The following AJAP1 variants were observed in gnomAD, a reference collection of about 807,000 sequenced individuals.
The protein encoded by AJAP1 is adherens junction-associated protein 1.
In AJAP1, 5 loss-of-function variants were observed where a neutral mutation model predicts 35.0. That is an observed-to-expected ratio of 0.14 (90% CI 0.07 to 0.30). The LOEUF (loss-of-function observed/expected upper bound fraction) is 0.30, where lower values mean the gene tolerates loss of function less well. Ranked by LOEUF, AJAP1 falls within the 10% of genes least tolerant of loss-of-function variation. The pLI, the probability that AJAP1 is intolerant of heterozygous loss-of-function variation, is 1.00. For missense variants in AJAP1, 586 were observed against 571.0 expected (o/e 1.03, Z -0.27); for synonymous variants, 284 against 249.3 (o/e 1.14, Z -1.31).
At chr1:4,701,721 G>A (rs540055512) in intron 1 of AJAP1, among the ~76,000 whole-genome samples, 60 of 152,356 alleles carry the variant, frequency 3.9e-4, no homozygotes, top group African/African-American at 1.4e-3. Flanking sequence ...CCTTAGATGA[G>A]AACTGGTGAT....
intron 2 of AJAP1, among the ~76,000 whole-genome samples, chr1:4,755,301 G>A (rs1481203851): frequency 4.6e-5 from 7 of 152,192 alleles, no homozygotes; most frequent in Non-Finnish European, 7.3e-5. Flanking sequence ...GGAAGTGGGT[G>A]CGGGGGACTC....
chr1:4,713,672 G>T (rs562028355), intron 2 of AJAP1, among the ~76,000 whole-genome samples: 1 of 152,350 alleles, frequency 6.6e-6, no homozygotes, highest in South Asian at 2.1e-4. Context: ...AACAGGCACA[G>T]CCCGATGTGC....
intron 1 of AJAP1, among the ~76,000 whole-genome samples, chr1:4,677,336 T>C (rs114709753): frequency 0.011 from 1,721 of 152,246 alleles, 41 homozygotes; most frequent in African/African-American, 0.04. Context: ...TTTGTAGGGC[T>C]CCTAAAGGTT....
In AJAP1 at chr1:4,720,978, A is replaced by G. The variant is rs1202452709; in HGVS notation, c.829+8279A>G. The stretch of plus-strand genomic sequence containing the variant: ...GGTTTGTGTGAGCCCCATGGAGAGG[A>G]TGGGGGACAGGGATGGGGGCTGGAG... On this transcript the variant is annotated intron_variant, in intron 2 of 5. Coordinates refer to ENST00000378191, the MANE Select transcript of AJAP1 (RefSeq NM_018836.4). The surrounding 1 kb of genome is among the most constrained non-coding windows in gnomAD (Gnocchi z 4.4). Among the ~76,000 whole-genome samples, 1 of 152,086 alleles carries G rather than the reference A, an allele frequency of 6.6e-6. No individual in the cohort carries two copies. Among genetic ancestry groups the G allele is most frequent in the Non-Finnish European group, 1.5e-5 (1 of 68,008 alleles).
At position 4,712,546 on chromosome 1, in the gene AJAP1, G is replaced by A. The variant is rs758607042; in HGVS notation, c.676G>A (p.Ala226Thr). The A allele has an allele frequency of 2.5e-6, 4 of 1,612,006 alleles. No homozygotes were observed. The Admixed American group carries it at 6.7e-5, about 27-fold the overall frequency. Residue 226 changes from alanine (A) to threonine (T), a missense_variant, in exon 2 of 6, where the codon GCC (alanine) becomes ACC (threonine). Transcript: ENST00000378191. ...CGCCACCACCACCACCACCACCACGGCCACCCCCATGACGCTGCAGACTAA... is the reference window on the plus strand; with the variant it reads ...CGCCACCACCACCACCACCACCACGACCACCCCCATGACGCTGCAGACTAA... ...VAATTTTTTTATPMTLQTKGF... is the reference protein window; with the variant it reads ...VAATTTTTTTTTPMTLQTKGF...
rs1396589349 is a variant in AJAP1, at chr1:4,690,813, C to T, written c.30-21087C>T. Among the ~76,000 whole-genome samples the T allele has an allele frequency of 3.9e-5, 6 of 152,208 alleles. No homozygotes were observed. The East Asian group carries it at 5.8e-4, about 15-fold the overall frequency. ...TTCTGCCAGGAGGGAAGCCTCCACTCGGCCGCTGGTGCCTGAGCAAGGGGC... is the reference window on the plus strand; with the variant it reads ...TTCTGCCAGGAGGGAAGCCTCCACTTGGCCGCTGGTGCCTGAGCAAGGGGC... On this transcript the variant is annotated intron_variant, in intron 1 of 5. Transcript: ENST00000378191.
rs1259493247 is a variant in AJAP1, at chr1:4,783,471, G to GTGTATA, written c.*987_*988insGTATAT. ...ATGCCAAGGTTTTATATATGTGTGTGTATATATATATATATATATATATAT... is the reference window on the plus strand; with the variant it reads ...ATGCCAAGGTTTTATATATGTGTGTGTGTATATATATATATATATATATATATATAT... On this transcript the variant is annotated 3_prime_UTR_variant, in exon 6 of 6. Transcript: ENST00000378191. 4 of 57,798 alleles carry GTGTATA rather than the reference G, an allele frequency of 6.9e-5. No individual in the cohort carries two copies. Among genetic ancestry groups the GTGTATA allele is most frequent in the East Asian group, 3.6e-4 (1 of 2,808 alleles). The allele number at this position is 57,798 out of a possible 1,614,324, so 3.6% of individuals were successfully genotyped here. A position where few individuals can be genotyped will look rare whatever the true frequency, so the allele number is the denominator to read the frequency against.
At chr1:4,750,998 C>T (rs1418004613) in intron 2 of AJAP1, among the ~76,000 whole-genome samples, 1 of 151,158 alleles carries the variant, frequency 6.6e-6, no homozygotes, top group African/African-American at 2.4e-5. Flanking sequence ...TCTGAGTGGT[C>T]AGATGATCCC....
At chr1:4,705,318 T>C (rs1047259743) in intron 1 of AJAP1, among the ~76,000 whole-genome samples, 1 of 143,646 alleles carries the variant, frequency 7.0e-6, no homozygotes, top group Non-Finnish European at 1.5e-5. Flanking sequence ...ATTCAGGACA[T>C]AGGCATGGGC....
At chr1:4,681,455 G>C (rs545902119) in intron 1 of AJAP1, among the ~76,000 whole-genome samples, 10 of 152,218 alleles carry the variant, frequency 6.6e-5, no homozygotes, top group African/African-American at 1.9e-4. Context: ...AGGCAGCCAG[G>C]GTTCTAGGAA....
At chr1:4,735,384 G>A (rs1335320977) in intron 2 of AJAP1, among the ~76,000 whole-genome samples, 2 of 152,204 alleles carry the variant, frequency 1.3e-5, no homozygotes, top group African/African-American at 2.4e-5. Flanking sequence ...ACGCCTATTG[G>A]GAGAGGGGAC....
intron 2 of AJAP1, among the ~76,000 whole-genome samples, chr1:4,737,549 AGGGC>A (rs1640958178): frequency 6.6e-6 from 1 of 151,550 alleles, no homozygotes; most frequent in Non-Finnish European, 1.5e-5. Context: ...CTGCATAGGC[AGGGC>A]CAGGGTGCCC....
intron 1 of AJAP1, among the ~76,000 whole-genome samples, chr1:4,698,069 C>A (rs1639906975): frequency 6.6e-6 from 1 of 152,252 alleles, no homozygotes; most frequent in Admixed American, 6.5e-5. Context: ...CATTTCCTCT[C>A]CTGATGAGAA....
At chr1:4,745,839 G>A (rs1356085223) in intron 2 of AJAP1, among the ~76,000 whole-genome samples, 1 of 152,152 alleles carries the variant, frequency 6.6e-6, no homozygotes, top group Admixed American at 6.5e-5. Context: ...ACTGCTTTCA[G>A]TCTTTGGCTA....
chr1:4,711,659 G>C (rs1232201317), intron 1 of AJAP1, among the ~76,000 whole-genome samples: 3 of 152,212 alleles, frequency 2.0e-5, no homozygotes, highest in Non-Finnish European at 2.9e-5. Context: ...AGGCGCCTCA[G>C]CCCCGCGGTG....
intron 1 of AJAP1, among the ~76,000 whole-genome samples, chr1:4,671,138 G>T (rs992184945): frequency 6.6e-6 from 1 of 152,214 alleles, no homozygotes; most frequent in Non-Finnish European, 1.5e-5. Flanking sequence ...GGAGGCCGAG[G>T]TGGGAAGATC....
At chr1:4,769,351 T>C (rs1445954033) in intron 2 of AJAP1, among the ~76,000 whole-genome samples, 1 of 152,154 alleles carries the variant, frequency 6.6e-6, no homozygotes, top group Non-Finnish European at 1.5e-5. Flanking sequence ...CAATATGTAC[T>C]GGCCCATCCT....
intron 2 of AJAP1, among the ~76,000 whole-genome samples, chr1:4,748,747 CAAA>C (rs70955802): frequency 0.079 from 7,803 of 98,370 alleles, 686 homozygotes; most frequent in African/African-American, 0.25. Context: ...GACTCTGTCT[CAAA>C]AAAAAAAAAA....
At chr1:4,746,684 C>T (rs757896880) in intron 2 of AJAP1, among the ~76,000 whole-genome samples, 1 of 152,240 alleles carries the variant, frequency 6.6e-6, no homozygotes, top group African/African-American at 2.4e-5. Context: ...TTAGTACAAA[C>T]AACTGCTATT....
Sources: gnomAD v4.1 joint callset for allele counts (sites outside exome capture counted in the v4.1 genomes callset) on GRCh38, gnomAD v4.1.1 for gene constraint, Gnocchi (gnomAD v3.1) non-coding constraint, MANE v1.5 for transcripts, NCBI Gene and HGNC (gene_info 2026-07-23, HGNC 2026-07-21) for gene names.